The following MICU2 variants were observed in gnomAD, a reference collection of about 807,000 sequenced individuals.
MICU2 encodes the protein calcium uptake protein 2, mitochondrial.
A neutral mutation model predicts 60.4 loss-of-function variants in MICU2; 64 were observed. The ratio of observed to expected loss-of-function variants is 1.06; its 90% CI spans 0.87 to 1.31. MICU2 has a LOEUF of 1.31. MICU2 is among the 50% of genes most tolerant of loss of function. MICU2 has a pLI of 0.00. For synonymous variants in MICU2, 201 were observed against 175.0 expected (o/e 1.15, Z -1.17); for missense variants, 569 against 531.0 (o/e 1.07, Z -0.70).
At chr13:21,602,797 G>C (rs954987586) in intron 1 of MICU2, 1 of 151,810 alleles carries the variant, frequency 6.6e-6, no homozygotes, top group Non-Finnish European at 1.5e-5. Context: ...TGAGTTTTTC[G>C]CTAGAAAGGC....
At chr13:21,505,751 G>A (rs1417752475) in intron 8 of MICU2, among the ~76,000 whole-genome samples, 1 of 152,138 alleles carries the variant, frequency 6.6e-6, no homozygotes, top group Non-Finnish European at 1.5e-5. Flanking sequence ...AACTCTTTCA[G>A]AAACTACATG....
chr13:21,495,007 A>G (rs1002943143), intron 11 of MICU2, among the ~76,000 whole-genome samples, 154 bp downstream of exon 11: 1 of 152,186 alleles, frequency 6.6e-6, no homozygotes, highest in Non-Finnish European at 1.5e-5. Flanking sequence ...GTTTAATCTC[A>G]TATATAAAAT....
intron 5 of MICU2, among the ~76,000 whole-genome samples, chr13:21,522,233 G>T (rs1343715094): frequency 6.6e-6 from 1 of 152,188 alleles, no homozygotes; most frequent in African/African-American, 2.4e-5. Flanking sequence ...CATGTCTCCT[G>T]AGTCTTCTCT....
At chr13:21,552,328 T>C (rs1254611289) in intron 2 of MICU2, among the ~76,000 whole-genome samples, 1 of 152,240 alleles carries the variant, frequency 6.6e-6, no homozygotes, top group Non-Finnish European at 1.5e-5. Context: ...TTCTGGATAT[T>C]AGCCCTTTGT....
At chr13:21,600,046 C>G (rs1183891268) in intron 1 of MICU2, among the ~76,000 whole-genome samples, 1 of 152,114 alleles carries the variant, frequency 6.6e-6, no homozygotes, top group Non-Finnish European at 1.5e-5. Flanking sequence ...GAAATTTTGT[C>G]AATGAAAACA....
chr13:21,603,615 TAGG>T (rs541454021), intron 1 of MICU2: 15 of 387,024 alleles, frequency 3.9e-5, no homozygotes, highest in African/African-American at 2.5e-4. Context: ...GATTCTGAAT[TAGG>T]AGCCTCGAAT....
At chr13:21,602,057 C>T (rs900705207) in intron 1 of MICU2, among the ~76,000 whole-genome samples, 2 of 149,180 alleles carry the variant, frequency 1.3e-5, no homozygotes, top group African/African-American at 2.5e-5. Context: ...TGTAGTGAGC[C>T]GGGATCACGC....
chr13:21,603,159 G>A (rs1555278119), intron 1 of MICU2, among the ~76,000 whole-genome samples: 2 of 151,934 alleles, frequency 1.3e-5, no homozygotes, highest in African/African-American at 4.8e-5. Context: ...CTGGGGTGGG[G>A]AGCGGCTTCA....
At chr13:21,495,835 TCTTC>T (rs750557536) in intron 10 of MICU2, 36 of 420,396 alleles carry the variant, frequency 8.6e-5, no homozygotes, top group Non-Finnish European at 1.4e-4. Context: ...TGCCCGGCCT[TCTTC>T]CTTCTTTTTA....
intron 6 of MICU2, among the ~76,000 whole-genome samples, chr13:21,517,819 G>GCA (rs1886619701): frequency 6.7e-6 from 1 of 149,190 alleles, no homozygotes; most frequent in Non-Finnish European, 1.5e-5. Context: ...GCGCGCACAC[G>GCA]CGCTACATAC....
At chr13:21,588,151 T>G (rs1888499835) in intron 1 of MICU2, among the ~76,000 whole-genome samples, 1 of 152,188 alleles carries the variant, frequency 6.6e-6, no homozygotes, top group African/African-American at 2.4e-5. Flanking sequence ...GTTTTTGTAA[T>G]TTCCTAAAAT....
intron 2 of MICU2, among the ~76,000 whole-genome samples, chr13:21,542,948 C>T (rs1022860): frequency 0.95 from 144,047 of 152,326 alleles, 68,271 homozygotes; most frequent in East Asian, 1. Flanking sequence ...ACAAAAACAA[C>T]ACCAGCACTA....
chr13:21,563,021 G>A (rs1887885717), intron 2 of MICU2, among the ~76,000 whole-genome samples: 3 of 151,924 alleles, frequency 2.0e-5, no homozygotes, highest in Admixed American at 2.0e-4. Flanking sequence ...ATTCTACATT[G>A]GTAAATTTTT....
At chr13:21,533,570 G>A (rs941890472) in intron 4 of MICU2, among the ~76,000 whole-genome samples, 2 of 150,916 alleles carry the variant, frequency 1.3e-5, no homozygotes, top group African/African-American at 2.4e-5. Context: ...TGATCCGCCC[G>A]CCTCAGCCTC....
At chr13:21,579,150 C>A (rs189312819) in intron 1 of MICU2, among the ~76,000 whole-genome samples, 2 of 152,134 alleles carry the variant, frequency 1.3e-5, no homozygotes, top group African/African-American at 4.8e-5. Context: ...AAAGAATGAG[C>A]CAGATATTAT....
At chr13:21,560,749 T>C (rs1887821200) in intron 2 of MICU2, among the ~76,000 whole-genome samples, 1 of 152,178 alleles carries the variant, frequency 6.6e-6, no homozygotes, top group South Asian at 2.1e-4. Flanking sequence ...ACAGGCCCAA[T>C]TATGCTTGTA....
chr13:21,575,004 C>T lies in MICU2; in HGVS notation c.211-8060G>A, dbSNP rs544687327. Among the ~76,000 whole-genome samples the T allele has an allele frequency of 2.0e-5, 3 of 152,320 alleles. No individual in the cohort carries two copies. In the East Asian group the frequency reaches 5.8e-4, roughly 29 times the overall value. The stretch of plus-strand genomic sequence containing the variant: ...GACAGCCAATGAGACAACTGTCATT[C>T]CTGGGAAACCTGGAAGCTCTAGGAA... On this transcript the variant is annotated intron_variant, in intron 1 of 11. Transcript: ENST00000382374.
intron 1 of MICU2, among the ~76,000 whole-genome samples, chr13:21,587,644 G>T (rs1215231105): frequency 6.6e-6 from 1 of 152,224 alleles, no homozygotes; most frequent in Non-Finnish European, 1.5e-5. Flanking sequence ...GGAAAAGCAT[G>T]CTGATTTCGA....
Position 21,573,737 on chromosome 13 carries a change from TA to T in MICU2, c.211-6794del, listed in dbSNP as rs34785024. Among the ~76,000 whole-genome samples, 274 of 141,886 alleles carry T rather than the reference TA, an allele frequency of 1.9e-3. 1 individual carries two copies. Among genetic ancestry groups the T allele is most frequent in the East Asian group, 7.7e-3 (38 of 4,930 alleles). 93.1% of individuals were successfully genotyped at this position (141,886 alleles called of 152,430 possible). ...AACTGTTGTCCAAGGAGTTAATAAT[TA>T]AAAAAAAAAAAGACACAGTAGAGGA... On this transcript the variant is annotated intron_variant, in intron 1 of 11. Coordinates refer to ENST00000382374, the MANE Select transcript of MICU2 (RefSeq NM_152726.3).
Sources: allele counts gnomAD v4.1 joint callset (sites outside exome capture counted in the v4.1 genomes callset), GRCh38; gene constraint gnomAD v4.1.1; transcripts MANE v1.5; gene names NCBI Gene and HGNC (gene_info 2026-07-23, HGNC 2026-07-21).